Variants in MED13 observed in about 807,000 individuals in gnomAD.
The protein encoded by MED13 is mediator of RNA polymerase II transcription subunit 13.
MED13 carries 23 observed loss-of-function variants against 225.2 expected under a neutral mutation model. That is an observed-to-expected ratio of 0.10 (90% CI 0.07 to 0.14). The LOEUF (loss-of-function observed/expected upper bound fraction) is 0.14, where lower values mean the gene tolerates loss of function less well. Among genes scored for constraint, MED13 ranks in the 10% least tolerant of loss-of-function variants. The pLI is 1.00. For synonymous variants in MED13, 942 were observed against 889.2 expected (o/e 1.06, Z -1.06); for missense variants, 2,197 against 2,594.5 (o/e 0.85, Z 3.33).
At position 62,053,372 on chromosome 17, in the gene MED13, A is replaced by G. The variant is rs1426677845; in HGVS notation, c.302-667T>C. The stretch of plus-strand genomic sequence containing the variant: ...AAATTGTAAATGGCACTTCTGTCAA[A>G]TAAAATTATAGCTATCTTCACTAAC... On this transcript the variant is annotated intron_variant, in intron 2 of 29. Coordinates refer to ENST00000397786, the MANE Select transcript of MED13 (RefSeq NM_005121.3). 3.3e-5 allele frequency among the ~76,000 whole-genome samples: 5 copies of G among 152,362 alleles called. No homozygotes were observed. The East Asian group carries it at 5.8e-4, about 18-fold the overall frequency.
chr17:62,011,201 T>C lies in MED13; in HGVS notation c.1316A>G (p.Gln439Arg). The change falls in exon 9 of 30, where the codon CAA becomes CGA. Residue 439 changes from glutamine to arginine, a missense_variant. Transcript: ENST00000397786. Reference sequence around the variant, plus strand: ...ACCTAAAGATGGTGCCTGTCCTTGTTGTCCAGCATTTCTTGACTTGAGATT... The same window carrying C: ...ACCTAAAGATGGTGCCTGTCCTTGTCGTCCAGCATTTCTTGACTTGAGATT... ...HKNLKSRNAG[Q>R]QGQAPSLGQQ... 6.2e-7 allele frequency: 1 copy of C among 1,609,198 alleles called. No homozygotes were observed. Among genetic ancestry groups the C allele is most frequent in the Non-Finnish European group, 8.5e-7 (1 of 1,178,150 alleles).
At chr17:62,016,736 T>C (rs1440973300) in intron 8 of MED13, among the ~76,000 whole-genome samples, 2 of 152,200 alleles carry the variant, frequency 1.3e-5, no homozygotes, top group Non-Finnish European at 2.9e-5. Flanking sequence ...GGGCTGGGCA[T>C]GGTGGCTCAT....
At chr17:61,953,209 A>C in intron 26 of MED13, 96 bp from the exon 27 acceptor site, 2 of 1,278,922 alleles carry the variant, frequency 1.6e-6, no homozygotes, top group Non-Finnish European at 2.1e-6. Flanking sequence ...TTTAACCAAA[A>C]TGGGTTAATT....
At chr17:62,041,004 C>A (rs1391730244) in intron 3 of MED13, among the ~76,000 whole-genome samples, 1 of 152,152 alleles carries the variant, frequency 6.6e-6, no homozygotes, top group Non-Finnish European at 1.5e-5. Flanking sequence ...TTCAAATTAC[C>A]ATATGATCCA....
At chr17:61,951,073 C>T in intron 27 of MED13, 75 bp from the exon 28 acceptor site, 1 of 1,134,906 alleles carries the variant, frequency 8.8e-7, no homozygotes, top group Non-Finnish European at 1.2e-6. Context: ...CAGAATGGCT[C>T]ATAGCAATCA....
At position 61,944,895 on chromosome 17, in the gene MED13, G is replaced by C. The variant is rs975500811; in HGVS notation, c.*1573C>G. ...AGCACTGTAGAAAGGATTTTTCAAGGGGGTACAGCCTGCATAAAAGCAGTT... is the reference window on the plus strand; with the variant it reads ...AGCACTGTAGAAAGGATTTTTCAAGCGGGTACAGCCTGCATAAAAGCAGTT... On this transcript the variant is annotated 3_prime_UTR_variant, in exon 30 of 30. Coordinates refer to ENST00000397786, the MANE Select transcript of MED13 (RefSeq NM_005121.3). 3 of 152,538 alleles carry C rather than the reference G, an allele frequency of 2.0e-5. No homozygotes were observed. In the South Asian group the frequency reaches 6.2e-4, roughly 32 times the overall value. The allele number at this position is 152,538 out of a possible 1,614,324, so 9.4% of individuals were successfully genotyped here.
intron 15 of MED13, 39 bp downstream of exon 15, chr17:61,984,132 A>ATAAGCAG: frequency 7.4e-7 from 1 of 1,344,776 alleles, no homozygotes; most frequent in Non-Finnish European, 9.8e-7. Context: ...TTAAAGCTGT[A>ATAAGCAG]TAAGCAGTCA....
chr17:62,047,264 G>A (rs898038615), intron 3 of MED13, among the ~76,000 whole-genome samples: 10 of 152,170 alleles, frequency 6.6e-5, no homozygotes, highest in Admixed American at 1.3e-4. Context: ...CCAGCTACTC[G>A]GGAGGCTAAG....
intron 2 of MED13, among the ~76,000 whole-genome samples, chr17:62,062,731 A>G (rs1361580316): frequency 1.3e-5 from 2 of 152,160 alleles, no homozygotes; most frequent in African/African-American, 2.4e-5. Context: ...TCTGGCTTCT[A>G]AACTATTACA....
At chr17:61,964,914 CAA>C (rs1002541271) in intron 20 of MED13, 90 bp downstream of exon 20, 15 of 1,254,612 alleles carry the variant, frequency 1.2e-5, no homozygotes, top group Admixed American at 5.0e-5. Flanking sequence ...ACAGCCTGCG[CAA>C]AAGAGTGAGA....
At chr17:61,983,158 G>T in intron 15 of MED13, 44 bp from the exon 16 acceptor site, 6 of 1,413,596 alleles carry the variant, frequency 4.2e-6, no homozygotes, top group Non-Finnish European at 5.7e-6. Flanking sequence ...ATATATAAAG[G>T]AACATATTAG....
chr17:61,989,659 T>C (rs2080278517), intron 11 of MED13, among the ~76,000 whole-genome samples: 1 of 152,176 alleles, frequency 6.6e-6, no homozygotes, highest in Non-Finnish European at 1.5e-5. Context: ...TTTACACAGA[T>C]AGGGTCTCAC....
Position 61,987,002 on chromosome 17 carries a change from C to A in MED13, c.2385+5G>T. On this transcript the variant is annotated splice_donor_5th_base_variant and intron_variant, in intron 12 of 29. Coordinates refer to ENST00000397786, the MANE Select transcript of MED13 (RefSeq NM_005121.3). Reference sequence around the variant, plus strand: ...TATAATCCTATTCATTAATGAGATACTCACTGTTAGTTCATCTTCATCAGA... The same window carrying A: ...TATAATCCTATTCATTAATGAGATAATCACTGTTAGTTCATCTTCATCAGA... 1 of 1,535,036 alleles carries A rather than the reference C, an allele frequency of 6.5e-7. No homozygotes were observed. Among genetic ancestry groups the A allele is most frequent in the Non-Finnish European group, 8.8e-7 (1 of 1,141,222 alleles).
chr17:62,016,331 T>TTGGC (rs1278891978), intron 8 of MED13, among the ~76,000 whole-genome samples: 1 of 151,948 alleles, frequency 6.6e-6, no homozygotes, highest in Admixed American at 6.6e-5. Context: ...AGCCACCTCA[T>TTGGC]TGGCTTGAAT....
intron 9 of MED13, among the ~76,000 whole-genome samples, chr17:62,009,466 C>T (rs2080485748): frequency 6.6e-6 from 1 of 152,154 alleles, no homozygotes. Flanking sequence ...ACACCCAAAA[C>T]ATTTTAAATG....
At chr17:62,009,656 C>A (rs567984777) in intron 9 of MED13, among the ~76,000 whole-genome samples, 1 of 152,294 alleles carries the variant, frequency 6.6e-6, no homozygotes, top group South Asian at 2.1e-4. Context: ...AGTTGCTGAA[C>A]TGCAACTGGG....
intron 28 of MED13, among the ~76,000 whole-genome samples, chr17:61,948,238 T>C (rs901549164): frequency 1.3e-5 from 2 of 151,830 alleles, no homozygotes; most frequent in African/African-American, 4.8e-5. Flanking sequence ...GAACAAAAAG[T>C]ATGGTAAATT....
At position 61,955,395 on chromosome 17, in the gene MED13, G is replaced by T; in HGVS notation, c.5955C>A (p.Phe1985Leu). 6.5e-7 allele frequency: 1 copy of T among 1,548,988 alleles called. No individual in the cohort carries two copies. The highest frequency in any genetic ancestry group is 1.3e-5 in the South Asian group (1 of 79,388). The part of the protein sequence containing the change: ...TYTTENLDLA[F>L]NPNNDGADGM... ...CAAATTACGTACCATTGTTGGGATT[G>T]AAAGCTAAATCCAAATTTTCAGTGG... The change falls in exon 26 of 30, where the codon TTC becomes TTA. Residue 1985 changes from phenylalanine (F) to leucine (L), a missense_variant. Physicochemically the swap from Phe to Leu is conservative, Grantham distance 22. Around this residue, in one of 12 missense-constraint regions of MED13, gnomAD observed 216 missense variants for 388.9 expected, o/e 0.56. Transcript: ENST00000397786.
chr17:61,968,218 A>C lies in MED13; in HGVS notation c.4008T>G (p.Phe1336Leu). The change falls in exon 18 of 30, where the codon TTT becomes TTG. Residue 1336 changes from phenylalanine to leucine, a missense_variant. Transcript: ENST00000397786. Reference sequence around the variant, plus strand: ...GATAATCATAATCATAACCCAACAAAAATGTGGGGATTGGCAGTGGTTCTG... The same window carrying C: ...GATAATCATAATCATAACCCAACAACAATGTGGGGATTGGCAGTGGTTCTG... ...ESPEPLPIPTFLLGYDYDYLV... is the reference protein window; with the variant it reads ...ESPEPLPIPTLLLGYDYDYLV... 1 of 1,614,054 alleles carries C rather than the reference A, an allele frequency of 6.2e-7. No homozygotes were observed. The highest frequency in any genetic ancestry group is 8.5e-7 in the Non-Finnish European group (1 of 1,179,954).
Sources: gnomAD v4.1 joint callset for allele counts (sites outside exome capture counted in the v4.1 genomes callset) on GRCh38, gnomAD v4.1.1 for gene constraint, gnomAD v4.1.1 regional missense constraint, MANE v1.5 for transcripts, NCBI Gene and HGNC (gene_info 2026-07-23, HGNC 2026-07-21) for gene names.